Variants in DNAH6 observed in about 807,000 individuals in gnomAD.
DNAH6 encodes dynein axonemal heavy chain 6.
A neutral mutation model predicts 491.4 loss-of-function variants in DNAH6; 340 were observed. That is an observed-to-expected ratio of 0.69 (90% confidence interval 0.63 to 0.76). DNAH6 has a LOEUF of 0.76. Among genes scored for constraint, DNAH6 ranks in the 30% least tolerant of loss-of-function variants. DNAH6 has a pLI of 0.00. For missense variants in DNAH6, 4,443 were observed against 4,972.2 expected (o/e 0.89, Z 3.20); for synonymous variants, 1,603 against 1,686.1 (o/e 0.95, Z 1.21).
At chr2:84,475,889 A>G in the DNAH6 span, among the ~76,000 whole-genome samples, 1 of 152,310 alleles carries the variant, frequency 6.6e-6, no homozygotes, top group South Asian at 2.1e-4. Context: ...TCTCATGCCC[A>G]TAAGCACACA....
chr2:84,547,888 G>A (rs902283106), intron 7 of DNAH6, among the ~76,000 whole-genome samples: 1 of 151,442 alleles, frequency 6.6e-6, no homozygotes, highest in African/African-American at 2.4e-5. Context: ...GCATCTCTCT[G>A]CTTAAAGATA....
intron 11 of DNAH6, among the ~76,000 whole-genome samples, chr2:84,571,288 G>A (rs1010772709): frequency 1.3e-5 from 2 of 152,152 alleles, no homozygotes; most frequent in Non-Finnish European, 2.9e-5. Context: ...GTATGCAAAA[G>A]TATAATAAGA....
intron 45 of DNAH6, among the ~76,000 whole-genome samples, chr2:84,688,817 G>A (rs1207310129): frequency 6.6e-6 from 1 of 152,190 alleles, no homozygotes; most frequent in Admixed American, 6.5e-5. Context: ...AATATTAGTA[G>A]ATGGTTTCTG....
Position 84,621,331 on chromosome 2 carries a change from G to A in DNAH6, c.3933G>A (p.Trp1311Ter). 3 of 1,551,540 alleles carry A rather than the reference G, an allele frequency of 1.9e-6. No homozygotes were observed. The highest frequency in any genetic ancestry group is 1.2e-5 in the South Asian group (1 of 84,046). ...ATCAGGGGAAACTGAGGACAGACTG[G>A]GTGGTTGCTGGCCACCCTTCTCAAG... ...ADYQGKLRTD[W>*]VVAGHPSQVI... Residue 1311 changes from tryptophan (W) to a stop codon, truncating the protein, a stop_gained, in exon 25 of 77, where the codon TGG (tryptophan) becomes TGA (stop). Transcript: ENST00000389394. LOFTEE classifies it high-confidence loss of function.
intron 21 of DNAH6, among the ~76,000 whole-genome samples, chr2:84,609,400 C>T (rs1224086820): frequency 2.6e-5 from 4 of 152,078 alleles, no homozygotes; most frequent in Non-Finnish European, 4.4e-5. Context: ...AGACATGTGA[C>T]TCTTCCTTTC....
intron 29 of DNAH6, among the ~76,000 whole-genome samples, chr2:84,632,608 G>A (rs916575640): frequency 1.3e-5 from 2 of 152,198 alleles, no homozygotes; most frequent in African/African-American, 4.8e-5. Flanking sequence ...TAAGTATGAA[G>A]ACCATTCCTC....
At chr2:84,479,388 C>T in the DNAH6 span, among the ~76,000 whole-genome samples, 1 of 152,220 alleles carries the variant, frequency 6.6e-6, no homozygotes, top group Non-Finnish European at 1.5e-5. Flanking sequence ...GCCATTCTTC[C>T]ACCACTTCTC....
intron 42 of DNAH6, among the ~76,000 whole-genome samples, chr2:84,682,642 G>T (rs536760473): frequency 7.2e-5 from 11 of 152,168 alleles, no homozygotes; most frequent in South Asian, 2.1e-4. Context: ...GCATACCCCG[G>T]CCCCAGAGGA....
intron 70 of DNAH6, among the ~76,000 whole-genome samples, chr2:84,803,924 C>T (rs1298977001): frequency 1.3e-5 from 2 of 152,032 alleles, no homozygotes; most frequent in Non-Finnish European, 2.9e-5. Context: ...GTAATAAGAT[C>T]AGCTGGGCAC....
At chr2:84,508,219 C>T in the DNAH6 span, among the ~76,000 whole-genome samples, 1 of 152,170 alleles carries the variant, frequency 6.6e-6, no homozygotes, top group African/African-American at 2.4e-5. Flanking sequence ...GGTTGGTAAG[C>T]TATTAATTAT....
Position 84,540,728 on chromosome 2 carries a change from G to T in DNAH6, c.663-3505G>T, listed in dbSNP as rs940916937. ...ACACACATACTTTTAGAAGTTAATA[G>T]AAGTCTTGAAGTCTAAGTTTCATTT... On this transcript the variant is annotated intron_variant, in intron 4 of 76. Transcript: ENST00000389394. Among the ~76,000 whole-genome samples the T allele has an allele frequency of 2.6e-5, 4 of 152,152 alleles. 1 individual carries two copies. Among genetic ancestry groups the T allele is most frequent in the Middle Eastern group, 6.3e-3 (2 of 316 alleles).
chr2:84,814,701 T>C (rs987126451), intron 75 of DNAH6, among the ~76,000 whole-genome samples: 1 of 152,170 alleles, frequency 6.6e-6, no homozygotes, highest in African/African-American at 2.4e-5. Flanking sequence ...CAGACAGAAG[T>C]TTACAGTGAC....
intron 63 of DNAH6, among the ~76,000 whole-genome samples, chr2:84,753,880 A>AGT (rs1673730860): frequency 1.4e-5 from 2 of 143,058 alleles, no homozygotes; most frequent in African/African-American, 5.3e-5. Flanking sequence ...GCCGGAGTGC[A>AGT]GTGGCACAAT....
At chr2:84,650,499 T>TG (rs1295170351) in intron 33 of DNAH6, among the ~76,000 whole-genome samples, 1 of 147,202 alleles carries the variant, frequency 6.8e-6, no homozygotes, top group African/African-American at 2.7e-5. Flanking sequence ...AGGCTCTCTG[T>TG]ATTTTTTTTT....
intron 9 of DNAH6, among the ~76,000 whole-genome samples, chr2:84,551,116 C>T (rs1275805009): frequency 6.6e-6 from 1 of 152,182 alleles, no homozygotes; most frequent in Non-Finnish European, 1.5e-5. Flanking sequence ...CAGCTTAAAT[C>T]TCCCACTCCA....
chr2:84,685,201 G>T (rs975816550), intron 42 of DNAH6, 125 bp from the exon 43 acceptor site: 9 of 589,920 alleles, frequency 1.5e-5, no homozygotes, highest in African/African-American at 1.5e-4. Context: ...ATATCCACTG[G>T]GGAAGCAGTC....
intron 37 of DNAH6, among the ~76,000 whole-genome samples, chr2:84,662,561 G>T (rs1402791846): frequency 6.6e-6 from 1 of 152,118 alleles, no homozygotes; most frequent in Admixed American, 6.5e-5. Flanking sequence ...GGGGAGGGGT[G>T]CCCACCATTG....
chr2:84,529,183 G>C lies in DNAH6; in HGVS notation c.662+17G>C. Reference sequence around the variant, plus strand: ...TAATCTAAAGTGAGTTATTTTTTATGATGCAATTTAACATAAAAATTACAA... The same window carrying C: ...TAATCTAAAGTGAGTTATTTTTTATCATGCAATTTAACATAAAAATTACAA... On this transcript the variant is annotated intron_variant, in intron 4 of 76. Transcript: ENST00000389394. 6.7e-7 allele frequency: 1 copy of C among 1,498,838 alleles called. No individual in the cohort carries two copies. The highest frequency in any genetic ancestry group is 9.0e-7 in the Non-Finnish European group (1 of 1,112,074). The allele number at this position is 1,498,838 out of a possible 1,614,324, so 92.8% of individuals were successfully genotyped here.
chr2:84,648,043 G>C (rs1016099598), intron 33 of DNAH6, among the ~76,000 whole-genome samples: 2 of 152,186 alleles, frequency 1.3e-5, no homozygotes, highest in Admixed American at 6.5e-5. Flanking sequence ...TCCAAGAACA[G>C]TTTTTATATT....
Sources: allele counts gnomAD v4.1 joint callset (sites outside exome capture counted in the v4.1 genomes callset), GRCh38; gene constraint gnomAD v4.1.1; transcripts MANE v1.5; gene names NCBI Gene and HGNC (gene_info 2026-07-23, HGNC 2026-07-21).